The following JAKMIP2 variants were observed in gnomAD, a reference collection of about 807,000 sequenced individuals.
JAKMIP2 encodes janus kinase and microtubule interacting protein 2.
In JAKMIP2, 25 loss-of-function variants were observed where a neutral mutation model predicts 115.0. The observed-to-expected ratio is 0.22, with a 90% CI of 0.16 to 0.30. The LOEUF (loss-of-function observed/expected upper bound fraction) is 0.30. Among genes scored for constraint, JAKMIP2 ranks in the 10% least tolerant of loss-of-function variants. JAKMIP2 has a pLI of 1.00. For synonymous variants in JAKMIP2, 334 were observed against 343.6 expected, an observed-to-expected ratio of 0.97 and a Z score of 0.31; for missense variants, 642 against 957.6, an observed-to-expected ratio of 0.67 and a Z score of 4.35.
chr5:147,656,460 G>A (rs1046276557), intron 3 of JAKMIP2, among the ~76,000 whole-genome samples: 4 of 152,076 alleles, frequency 2.6e-5, no homozygotes, highest in Admixed American at 2.6e-4. Context: ...TTGTCTTTTT[G>A]ATCTTTGTTG....
chr5:147,611,401 T>C (rs555425737), intron 20 of JAKMIP2, among the ~76,000 whole-genome samples: 7 of 152,104 alleles, frequency 4.6e-5, no homozygotes, highest in African/African-American at 7.2e-5. Context: ...CCATCCCTCA[T>C]GGTGCAGTCC....
intron 2 of JAKMIP2, among the ~76,000 whole-genome samples, chr5:147,668,422 C>A (rs1759411620): frequency 6.6e-6 from 1 of 152,258 alleles, no homozygotes; most frequent in East Asian, 1.9e-4. Context: ...GGGTGCTGCT[C>A]CAAGAAGCAG....
In JAKMIP2 at chr5:147,587,070, C is replaced by G. The variant is rs551307978; in HGVS notation, c.*4637G>C. ...TGTCTGTATCTTCTTGCCAATATGC[C>G]TGAAATTAGATCTCAAGATACTACA... On this transcript the variant is annotated 3_prime_UTR_variant, in exon 22 of 22. Coordinates refer to ENST00000616793, the MANE Select transcript of JAKMIP2 (RefSeq NM_001270941.2). 20 of 152,152 alleles carry G rather than the reference C, an allele frequency of 1.3e-4. No homozygotes were observed. The highest frequency in any genetic ancestry group is 4.6e-4 in the African/African-American group (19 of 41,502). The allele number at this position is 152,152 out of a possible 1,614,324, so 9.4% of individuals were successfully genotyped here.
intron 3 of JAKMIP2, among the ~76,000 whole-genome samples, chr5:147,652,383 A>G (rs181330566): frequency 2.0e-5 from 3 of 152,322 alleles, no homozygotes; most frequent in Admixed American, 2.0e-4. Flanking sequence ...ATTAGCATTG[A>G]GAAAGCTTTA....
rs373513819 is a variant in JAKMIP2, at chr5:147,722,140, A to G, written c.-148-50186T>C. Among the ~76,000 whole-genome samples, 230 of 152,296 alleles carry G rather than the reference A, an allele frequency of 1.5e-3. 5 individuals are homozygous for G. The highest frequency in any genetic ancestry group is 5.3e-3 in the African/African-American group (219 of 41,556). On this transcript the variant is annotated intron_variant, in intron 1 of 21. Coordinates refer to ENST00000616793, the MANE Select transcript of JAKMIP2 (RefSeq NM_001270941.2). ...GATTCCTAAAGGCTCCTCCATATCT[A>G]TAACATTTTAAAAAATCAACCGATT...
At position 147,644,168 on chromosome 5, in the gene JAKMIP2, TC is replaced by T; in HGVS notation, c.1113del (p.Lys372ArgfsTer3). The T allele has an allele frequency of 6.3e-7, 1 of 1,599,608 alleles. No individual in the cohort carries two copies. The highest frequency in any genetic ancestry group is 8.5e-7 in the Non-Finnish European group (1 of 1,169,644). ...MREKITSHPP[L>X]KKLKSLNDLD... ...AGGTCATTCAGAGATTTTAATTTCT[TC>T]AGGGGTGGATGGGATGTTATTTTTT... On this transcript the variant is annotated frameshift_variant, in exon 7 of 22. Coordinates refer to ENST00000616793, the MANE Select transcript of JAKMIP2 (RefSeq NM_001270941.2). LOFTEE classifies it high-confidence loss of function.
At chr5:147,707,709 G>C (rs1222518277) in intron 1 of JAKMIP2, among the ~76,000 whole-genome samples, 2 of 152,136 alleles carry the variant, frequency 1.3e-5, no homozygotes, top group East Asian at 3.9e-4. Flanking sequence ...ACATTTGACT[G>C]ACTGTGGATG....
chr5:147,657,051 G>T lies in JAKMIP2; in HGVS notation c.627+3897C>A, dbSNP rs562497010. Among the ~76,000 whole-genome samples, 8 of 152,236 alleles carry T rather than the reference G, an allele frequency of 5.3e-5. No individual in the cohort carries two copies. In the East Asian group the frequency reaches 1.4e-3, roughly 26 times the overall value. ...TCCCAGCACTTTGGGAGGCCGAGGC[G>T]GGTGGATCACAAGGTCAGGAGATCG... On this transcript the variant is annotated intron_variant, in intron 3 of 21. Coordinates refer to ENST00000616793, the MANE Select transcript of JAKMIP2 (RefSeq NM_001270941.2).
chr5:147,691,857 C>G (rs552611539), intron 1 of JAKMIP2, among the ~76,000 whole-genome samples: 1 of 152,212 alleles, frequency 6.6e-6, no homozygotes, highest in Admixed American at 6.5e-5. Flanking sequence ...AGACTTTTTG[C>G]TCCTGTGTTT....
At chr5:147,685,730 G>A (rs1001983339) in intron 1 of JAKMIP2, among the ~76,000 whole-genome samples, 12 of 152,162 alleles carry the variant, frequency 7.9e-5, no homozygotes, top group Non-Finnish European at 1.5e-4. Context: ...ATAATGTGAT[G>A]TAAGGCATTT....
At chr5:147,702,149 G>A (rs779009756) in intron 1 of JAKMIP2, among the ~76,000 whole-genome samples, 8 of 152,086 alleles carry the variant, frequency 5.3e-5, no homozygotes, top group Non-Finnish European at 1.2e-4. Flanking sequence ...TAGAACTTTT[G>A]ATGGAACTAT....
At chr5:147,608,142 T>C (rs1756127540) in intron 20 of JAKMIP2, among the ~76,000 whole-genome samples, 1 of 152,164 alleles carries the variant, frequency 6.6e-6, no homozygotes, top group East Asian at 1.9e-4. Context: ...ATTCATTGAT[T>C]TTTTGAAGGG....
Position 147,589,738 on chromosome 5 carries a change from A to C in JAKMIP2, c.*1969T>G, listed in dbSNP as rs1332144971. ...ATCTATTTCCTATAGATTATTAAAG[A>C]TCCTGGTTTTGAATCTCTCAATTTT... is the stretch of plus-strand genomic sequence containing the variant. On this transcript the variant is annotated 3_prime_UTR_variant, in exon 22 of 22. Coordinates refer to ENST00000616793, the MANE Select transcript of JAKMIP2 (RefSeq NM_001270941.2). 1 of 152,152 alleles carries C rather than the reference A, an allele frequency of 6.6e-6. No individual in the cohort carries two copies. The highest frequency in any genetic ancestry group is 1.5e-5 in the Non-Finnish European group (1 of 68,036). 9.4% of individuals were successfully genotyped at this position (152,152 alleles called of 1,614,324 possible).
At chr5:147,654,090 A>G (rs1675281864) in intron 3 of JAKMIP2, among the ~76,000 whole-genome samples, 1 of 151,558 alleles carries the variant, frequency 6.6e-6, no homozygotes, top group African/African-American at 2.4e-5. Flanking sequence ...TGGTACCAGT[A>G]CTATGCTGTT....
chr5:147,719,103 G>A (rs1376322386), intron 1 of JAKMIP2, among the ~76,000 whole-genome samples: 2 of 134,600 alleles, frequency 1.5e-5, no homozygotes, highest in African/African-American at 5.9e-5. Context: ...ATTTCGTTAT[G>A]TACCCAGTAG....
intron 3 of JAKMIP2, among the ~76,000 whole-genome samples, chr5:147,651,816 T>C (rs1323024813): frequency 6.6e-6 from 1 of 152,180 alleles, no homozygotes; most frequent in Non-Finnish European, 1.5e-5. Flanking sequence ...GTCCCGTTAA[T>C]TGGGAATAAT....
At chr5:147,774,306 C>A (rs549573340) in intron 1 of JAKMIP2, among the ~76,000 whole-genome samples, 1 of 152,212 alleles carries the variant, frequency 6.6e-6, no homozygotes, top group East Asian at 1.9e-4. Context: ...CCTAGCAAAT[C>A]CATAAGAAAG....
chr5:147,724,712 C>T (rs7713010), intron 1 of JAKMIP2, among the ~76,000 whole-genome samples: 20,486 of 152,164 alleles, frequency 0.13, 1,545 homozygotes, highest in Admixed American at 0.2. Context: ...TCTTACTGTA[C>T]CCACCCTATC....
chr5:147,741,450 A>G (rs1205546725), intron 1 of JAKMIP2, among the ~76,000 whole-genome samples: 1 of 152,060 alleles, frequency 6.6e-6, no homozygotes, highest in African/African-American at 2.4e-5. Context: ...AATATATATA[A>G]CTTGTTTAAT....
Sources: gnomAD v4.1 joint callset for allele counts (sites outside exome capture counted in the v4.1 genomes callset) on GRCh38, gnomAD v4.1.1 for gene constraint, MANE v1.5 for transcripts, NCBI Gene and HGNC (gene_info 2026-07-23, HGNC 2026-07-21) for gene names.